The following CNTNAP2 variants were observed in gnomAD, a reference collection of about 807,000 sequenced individuals.
CNTNAP2 encodes contactin associated protein 2, also known as contactin-associated protein-like 2.
CNTNAP2 carries 98 observed loss-of-function variants against 155.2 expected under a neutral mutation model. The observed-to-expected ratio is 0.63, with a 90% CI of 0.54 to 0.75. The LOEUF (loss-of-function observed/expected upper bound fraction) is 0.75, where lower values mean the gene tolerates loss of function less well. Among genes scored for constraint, CNTNAP2 ranks in the 30% least tolerant of loss-of-function variants. The pLI is 0.00. For synonymous variants in CNTNAP2, 651 were observed against 631.2 expected (o/e 1.03, Z -0.47); for missense variants, 1,727 against 1,688.1 (o/e 1.02, Z -0.40).
chr7:147,365,197 A>G (rs1344697140), intron 9 of CNTNAP2, among the ~76,000 whole-genome samples: 3 of 152,006 alleles, frequency 2.0e-5, no homozygotes, highest in Admixed American at 1.3e-4. Context: ...TGAGGTCAGG[A>G]GTTTGAGACA....
At chr7:146,700,103 G>A (rs1800850150) in intron 1 of CNTNAP2, among the ~76,000 whole-genome samples, 1 of 152,160 alleles carries the variant, frequency 6.6e-6, no homozygotes, top group African/African-American at 2.4e-5. Flanking sequence ...GATGTAAAAT[G>A]AATAAGAGTG....
intron 1 of CNTNAP2, among the ~76,000 whole-genome samples, chr7:146,705,817 C>T (rs376949710): frequency 2.9e-4 from 44 of 152,154 alleles, no homozygotes; most frequent in African/African-American, 9.9e-4. Flanking sequence ...CACCTGGCCT[C>T]GCACTTGACA....
At chr7:148,036,940 T>C (rs527628015) in intron 15 of CNTNAP2, among the ~76,000 whole-genome samples, 1 of 152,312 alleles carries the variant, frequency 6.6e-6, no homozygotes, top group African/African-American at 2.4e-5. Context: ...AAAATTCTTA[T>C]CAAATAGCTA....
chr7:147,633,441 A>T (rs144188197), intron 12 of CNTNAP2, among the ~76,000 whole-genome samples: 3,900 of 152,270 alleles, frequency 0.026, 257 homozygotes, highest in Admixed American at 0.15. Context: ...AAGACTTTGG[A>T]CTTGAGCCTT....
intron 4 of CNTNAP2, among the ~76,000 whole-genome samples, chr7:147,058,924 A>T (rs1799612187): frequency 1.3e-5 from 2 of 152,062 alleles, no homozygotes; most frequent in African/African-American, 4.8e-5. Context: ...CTCTTTTCCT[A>T]CTAAGGAAGT....
At chr7:148,414,188 C>G (rs557652039) in intron 23 of CNTNAP2, among the ~76,000 whole-genome samples, 16 of 150,602 alleles carry the variant, frequency 1.1e-4, no homozygotes, top group African/African-American at 3.2e-4. Context: ...GCGATTCTCA[C>G]GCCTCAGCAT....
chr7:148,400,849 G>A (rs768012565), intron 22 of CNTNAP2, among the ~76,000 whole-genome samples: 3 of 152,066 alleles, frequency 2.0e-5, no homozygotes, highest in Non-Finnish European at 2.9e-5. Flanking sequence ...GCATGGTGGC[G>A]CATGCCTGTA....
At chr7:146,811,959 G>A (rs893606391) in intron 2 of CNTNAP2, among the ~76,000 whole-genome samples, 7 of 152,124 alleles carry the variant, frequency 4.6e-5, no homozygotes, top group Non-Finnish European at 1.0e-4. Flanking sequence ...CAGCCTTGTG[G>A]AACTGTGAGG....
At chr7:147,149,051 G>A (rs1801773568) in intron 8 of CNTNAP2, among the ~76,000 whole-genome samples, 1 of 148,906 alleles carries the variant, frequency 6.7e-6, no homozygotes, top group Non-Finnish European at 1.5e-5. Flanking sequence ...TGGCTGGGGT[G>A]GCTGCTGGCT....
At chr7:146,708,658 G>A (rs528813136) in intron 1 of CNTNAP2, among the ~76,000 whole-genome samples, 7 of 137,758 alleles carry the variant, frequency 5.1e-5, no homozygotes, top group South Asian at 2.4e-4. Context: ...GTGTGGTGGC[G>A]TGATCTCATC....
chr7:146,411,016 A>G (rs2129111038), intron 1 of CNTNAP2, among the ~76,000 whole-genome samples: 1 of 152,302 alleles, frequency 6.6e-6, no homozygotes, highest in South Asian at 2.1e-4. Context: ...ATCTGCTGAA[A>G]GACACTTAGG....
intron 19 of CNTNAP2, among the ~76,000 whole-genome samples, chr7:148,226,699 T>G (rs1190640635): frequency 2.6e-5 from 4 of 152,120 alleles, no homozygotes; most frequent in Non-Finnish European, 5.9e-5. Context: ...ATGCAGCCCC[T>G]CCCACGTGCT....
At chr7:146,342,470 G>C (rs80245498) in intron 1 of CNTNAP2, among the ~76,000 whole-genome samples, 2 of 152,088 alleles carry the variant, frequency 1.3e-5, no homozygotes, top group Admixed American at 6.6e-5. Flanking sequence ...ATTTAGACAA[G>C]TTAAATTCCA....
chr7:147,092,988 C>T (rs1449719070), intron 4 of CNTNAP2, among the ~76,000 whole-genome samples: 4 of 151,460 alleles, frequency 2.6e-5, no homozygotes, highest in South Asian at 2.1e-4. Context: ...TTTGGGAGGC[C>T]GAGGCAGGCG....
intron 9 of CNTNAP2, among the ~76,000 whole-genome samples, chr7:147,374,677 G>A (rs1449135085): frequency 6.6e-6 from 1 of 151,934 alleles, no homozygotes; most frequent in Non-Finnish European, 1.5e-5. Context: ...GAGACAGTAT[G>A]CTTCCTCCAG....
At chr7:147,135,848 G>A (rs1297809176) in intron 8 of CNTNAP2, among the ~76,000 whole-genome samples, 2 of 149,204 alleles carry the variant, frequency 1.3e-5, no homozygotes, top group East Asian at 2.0e-4. Context: ...GGAAAACACC[G>A]ACCTGACCTG....
At chr7:146,856,509 A>C (rs1221646359) in intron 3 of CNTNAP2, among the ~76,000 whole-genome samples, 1 of 152,184 alleles carries the variant, frequency 6.6e-6, no homozygotes, top group Non-Finnish European at 1.5e-5. Flanking sequence ...CATTAATGGT[A>C]ATAAAAGTAG....
intron 13 of CNTNAP2, among the ~76,000 whole-genome samples, chr7:147,893,274 T>G (rs925946341): frequency 6.6e-6 from 1 of 152,292 alleles, no homozygotes; most frequent in African/African-American, 2.4e-5. Flanking sequence ...AGACAGGAAT[T>G]TTTGACTCCA....
intron 11 of CNTNAP2, among the ~76,000 whole-genome samples, chr7:147,521,870 C>T (rs974397529): frequency 2.6e-5 from 4 of 152,150 alleles, no homozygotes; most frequent in Admixed American, 2.0e-4. Context: ...TAGGTTATAT[C>T]CCTCATGCAG....
Sources: gnomAD v4.1 joint callset for allele counts (sites outside exome capture counted in the v4.1 genomes callset) on GRCh38, gnomAD v4.1.1 for gene constraint, MANE v1.5 for transcripts, NCBI Gene and HGNC (gene_info 2026-07-23, HGNC 2026-07-21) for gene names.